The following NEK1 variants were observed in gnomAD, a reference collection of about 807,000 sequenced individuals.
NEK1 encodes serine/threonine-protein kinase Nek1.
In NEK1, 137 loss-of-function variants were observed where a neutral mutation model predicts 182.1. The ratio of observed to expected loss-of-function variants is 0.75; its 90% CI spans 0.65 to 0.87. NEK1 has a LOEUF of 0.87. NEK1 is among the 40% of genes least tolerant of loss of function. The probability of loss-of-function intolerance (pLI) is 0.00; values close to 1 mark genes in which losing one functional copy is unlikely to be tolerated. For synonymous variants in NEK1, 513 were observed against 492.2 expected, an observed-to-expected ratio of 1.04 and a Z score of -0.56; for missense variants, 1,391 against 1,494.4, an observed-to-expected ratio of 0.93 and a Z score of 1.14.
intron 12 of NEK1, among the ~76,000 whole-genome samples, chr4:169,562,855 T>C (rs1013557945): frequency 5.3e-5 from 8 of 152,224 alleles, no homozygotes; most frequent in African/African-American, 1.7e-4. Context: ...TCTTCTTTTA[T>C]ATACTGTTTA....
chr4:169,611,205 A>G (rs1464335603), intron 2 of NEK1, among the ~76,000 whole-genome samples: 1 of 152,224 alleles, frequency 6.6e-6, no homozygotes, highest in Non-Finnish European at 1.5e-5. Context: ...ACACGACCTC[A>G]AAAGAACTTC....
intron 31 of NEK1, among the ~76,000 whole-genome samples, chr4:169,422,273 C>T (rs922734587): frequency 6.6e-6 from 1 of 152,094 alleles, no homozygotes; most frequent in Non-Finnish European, 1.5e-5. Context: ...TGCTTGGTTG[C>T]AAAAGGGGAT....
chr4:169,564,382 C>A (rs1332592119), intron 12 of NEK1, among the ~76,000 whole-genome samples: 1 of 152,028 alleles, frequency 6.6e-6, no homozygotes, highest in Non-Finnish European at 1.5e-5. Flanking sequence ...AAAGTTGTCT[C>A]TACTAACAAT....
chr4:169,473,634 C>T (rs1746428073), intron 26 of NEK1, among the ~76,000 whole-genome samples: 1 of 151,998 alleles, frequency 6.6e-6, no homozygotes, highest in Non-Finnish European at 1.5e-5. Flanking sequence ...CCTGTAATCC[C>T]AGCACTTTGG....
intron 23 of NEK1, among the ~76,000 whole-genome samples, chr4:169,493,014 G>T (rs1180814115): frequency 2.0e-5 from 3 of 152,182 alleles, no homozygotes; most frequent in Admixed American, 2.0e-4. Context: ...GGGGCCCAAT[G>T]GCCCTTTCTG....
At chr4:169,500,870 T>G (rs970335870) in intron 23 of NEK1, among the ~76,000 whole-genome samples, 1 of 152,126 alleles carries the variant, frequency 6.6e-6, no homozygotes, top group Non-Finnish European at 1.5e-5. Context: ...TACAAAGCAA[T>G]AGTTAACACT....
At chr4:169,532,963 G>T (rs1009349664) in intron 19 of NEK1, among the ~76,000 whole-genome samples, 8 of 150,850 alleles carry the variant, frequency 5.3e-5, no homozygotes, top group Admixed American at 1.3e-4. Flanking sequence ...AAGGGAAAGG[G>T]AACTAAAAGA....
intron 26 of NEK1, among the ~76,000 whole-genome samples, chr4:169,471,535 A>G (rs1745966286): frequency 6.6e-6 from 1 of 152,130 alleles, no homozygotes; most frequent in African/African-American, 2.4e-5. Context: ...TGCCAGCTGA[A>G]GTTCTCCTGT....
At chr4:169,581,019 C>T in intron 10 of NEK1, 117 bp from the exon 11 acceptor site, 1 of 260,920 alleles carries the variant, frequency 3.8e-6, no homozygotes, top group Non-Finnish European at 7.1e-6. Flanking sequence ...GCCAAATAAA[C>T]TGTACTAAAA....
intron 26 of NEK1, among the ~76,000 whole-genome samples, chr4:169,466,437 A>T (rs1744936557): frequency 7.6e-6 from 1 of 131,378 alleles, no homozygotes; most frequent in Admixed American, 8.0e-5. Context: ...GACACAGAGG[A>T]ATAAAACTAA....
intron 26 of NEK1, among the ~76,000 whole-genome samples, chr4:169,470,302 A>G (rs1483438113): frequency 6.6e-6 from 1 of 152,012 alleles, no homozygotes; most frequent in Non-Finnish European, 1.5e-5. Context: ...TTCCTTCATG[A>G]GCTCTTATAA....
Position 169,400,301 on chromosome 4 carries a change from A to G in NEK1, c.3771T>C (p.Asn1257=), listed in dbSNP as rs781165423. 3.0e-5 allele frequency: 47 copies of G among 1,550,402 alleles called. No individual in the cohort carries two copies. In the African/African-American group the frequency reaches 5.2e-4, roughly 17 times the overall value. The change falls in exon 35 of 36, where the codon AAT becomes AAC. Residue 1257 remains asparagine (N), a synonymous_variant. Coordinates refer to ENST00000507142, the MANE Select transcript of NEK1 (RefSeq NM_001199397.3). The part of the protein sequence containing the change: ...NIEICSKIVQ[N]ILGNEHQHLY... ...GATGCTGATGTTCATTTCCCAAAAT[A>G]TTTTGAACTATTTTTGAACAAATTT...
intron 23 of NEK1, among the ~76,000 whole-genome samples, chr4:169,491,487 C>T (rs879941060): frequency 6.6e-6 from 1 of 152,002 alleles, no homozygotes; most frequent in Admixed American, 6.6e-5. Flanking sequence ...AAAAACCCTG[C>T]CAGCCAACAA....
intron 29 of NEK1, among the ~76,000 whole-genome samples, chr4:169,429,057 T>A (rs187184157): frequency 7.3e-6 from 1 of 137,478 alleles, no homozygotes; most frequent in African/African-American, 2.6e-5. Context: ...CAAATGTGGA[T>A]TGAAAATACT....
At chr4:169,562,460 A>G (rs1763064793) in intron 12 of NEK1, among the ~76,000 whole-genome samples, 1 of 152,116 alleles carries the variant, frequency 6.6e-6, no homozygotes, top group South Asian at 2.1e-4. Context: ...TGGATGTTTA[A>G]GTTTTCCAAT....
intron 19 of NEK1, among the ~76,000 whole-genome samples, chr4:169,521,775 G>GT (rs1255400972): frequency 6.6e-6 from 1 of 152,004 alleles, no homozygotes; most frequent in Non-Finnish European, 1.5e-5. Flanking sequence ...AAACTCCATG[G>GT]TTTCAGATGA....
intron 12 of NEK1, among the ~76,000 whole-genome samples, chr4:169,568,186 A>G (rs1304134132): frequency 1.3e-5 from 2 of 152,210 alleles, no homozygotes; most frequent in African/African-American, 4.8e-5. Context: ...TGTATTCCTT[A>G]CAGACATAAT....
chr4:169,585,311 T>C, intron 10 of NEK1, 38 bp downstream of exon 10: 1 of 1,513,704 alleles, frequency 6.6e-7, no homozygotes, highest in Non-Finnish European at 9.1e-7. Context: ...CTAAGCAACA[T>C]AACCCTACTG....
intron 12 of NEK1, among the ~76,000 whole-genome samples, chr4:169,572,936 T>G (rs779531830): frequency 6.6e-6 from 1 of 152,128 alleles, no homozygotes; most frequent in Non-Finnish European, 1.5e-5. Context: ...TAGACAATCT[T>G]TTGGGAAAGT....
Sources: allele counts gnomAD v4.1 joint callset (sites outside exome capture counted in the v4.1 genomes callset), GRCh38; gene constraint gnomAD v4.1.1; transcripts MANE v1.5; gene names NCBI Gene and HGNC (gene_info 2026-07-23, HGNC 2026-07-21).